The following SPMAP2L variants were observed in gnomAD, a reference collection of about 807,000 sequenced individuals.
The protein encoded by SPMAP2L is sperm microtubule associated protein 2-like.
the SPMAP2L span, among the ~76,000 whole-genome samples, chr4:56,551,948 T>C: frequency 6.6e-6 from 1 of 152,196 alleles, no homozygotes; most frequent in African/African-American, 2.4e-5. Flanking sequence ...CCCAGTACTC[T>C]TGCTGAAATT....
chr4:56,567,459 T>G, the SPMAP2L span, among the ~76,000 whole-genome samples: 12 of 143,342 alleles, frequency 8.4e-5, no homozygotes, highest in Non-Finnish European at 1.1e-4. Flanking sequence ...TTTTTTTTTT[T>G]TTTTTTTTTT....
chr4:56,560,175 A>G, the SPMAP2L span, among the ~76,000 whole-genome samples: 23 of 152,254 alleles, frequency 1.5e-4, no homozygotes, highest in Admixed American at 1.2e-3. Flanking sequence ...TTATTTTTTC[A>G]AGTTAGGGGC....
the SPMAP2L span, among the ~76,000 whole-genome samples, chr4:56,581,389 A>C: frequency 6.6e-6 from 1 of 152,104 alleles, no homozygotes; most frequent in African/African-American, 2.4e-5. Context: ...TGGGAGGCAG[A>C]GGTTACAGTG....
At chr4:56,578,669 G>A in the SPMAP2L span, among the ~76,000 whole-genome samples, 1,047 of 151,972 alleles carry the variant, frequency 6.9e-3, 16 homozygotes, top group African/African-American at 0.024. Flanking sequence ...TACCATGCAC[G>A]CCAACCAAAA....
chr4:56,549,315 T>C, the SPMAP2L span, among the ~76,000 whole-genome samples: 4 of 152,114 alleles, frequency 2.6e-5, no homozygotes, highest in African/African-American at 7.2e-5. Flanking sequence ...CTTAGTTTTT[T>C]ACTTGTTTGC....
At chr4:56,549,487 A>G in the SPMAP2L span, among the ~76,000 whole-genome samples, 3,423 of 152,282 alleles carry the variant, frequency 0.022, 125 homozygotes, top group African/African-American at 0.072. Flanking sequence ...TCAAGAAAGT[A>G]CCCTTTATGA....
chr4:56,586,075 A>G, the SPMAP2L span, among the ~76,000 whole-genome samples: 6 of 152,116 alleles, frequency 3.9e-5, no homozygotes, highest in South Asian at 2.1e-4. Flanking sequence ...TCTCTGCTCC[A>G]TGATGTCTGG....
chr4:56,565,102 G>A, the SPMAP2L span, among the ~76,000 whole-genome samples: 2 of 152,192 alleles, frequency 1.3e-5, no homozygotes, highest in African/African-American at 2.4e-5. Flanking sequence ...CTTGATAAAT[G>A]TTCGGTGTGC....
the SPMAP2L span, among the ~76,000 whole-genome samples, chr4:56,592,157 G>A: frequency 6.6e-6 from 1 of 152,166 alleles, no homozygotes; most frequent in African/African-American, 2.4e-5. Flanking sequence ...AACTGTGCAT[G>A]CAAAGGATCT....
the SPMAP2L span, among the ~76,000 whole-genome samples, chr4:56,574,046 T>TG: frequency 4.8e-4 from 73 of 152,164 alleles, no homozygotes; most frequent in Non-Finnish European, 5.4e-4. Flanking sequence ...ACATTGGGTC[T>TG]GGGGGGGTAG....
At chr4:56,600,905 AT>A in the SPMAP2L span, 5 of 1,520,460 alleles carry the variant, frequency 3.3e-6, no homozygotes, top group East Asian at 1.2e-4. Flanking sequence ...TTTGGGATAT[AT>A]TTTTGTGTCT....
chr4:56,619,824 G>A, the SPMAP2L span, among the ~76,000 whole-genome samples: 1 of 151,992 alleles, frequency 6.6e-6, no homozygotes, highest in Non-Finnish European at 1.5e-5. Context: ...ATTTGATAAG[G>A]GGTTAAACCC....
chr4:56,533,152 G>A, the SPMAP2L span, among the ~76,000 whole-genome samples: 2 of 152,082 alleles, frequency 1.3e-5, no homozygotes, highest in African/African-American at 4.8e-5. Context: ...CCTGCACTTG[G>A]AATAACAGAT....
the SPMAP2L span, among the ~76,000 whole-genome samples, chr4:56,543,765 A>C: frequency 6.6e-6 from 1 of 152,176 alleles, no homozygotes; most frequent in South Asian, 2.1e-4. Flanking sequence ...ATGAGATTAT[A>C]TTCCCAAGAA....
chr4:56,555,289 T>C, the SPMAP2L span, among the ~76,000 whole-genome samples: 1 of 152,194 alleles, frequency 6.6e-6, no homozygotes, highest in African/African-American at 2.4e-5. Context: ...GCTATATTTG[T>C]GTGGATCTAC....
chr4:56,621,318 A>G, the SPMAP2L span, among the ~76,000 whole-genome samples: 7 of 152,224 alleles, frequency 4.6e-5, no homozygotes, highest in Non-Finnish European at 1.0e-4. Context: ...ATTTATTCCT[A>G]TGGAAAAATG....
the SPMAP2L span, among the ~76,000 whole-genome samples, chr4:56,568,401 C>T: frequency 6.6e-6 from 1 of 152,058 alleles, no homozygotes; most frequent in Non-Finnish European, 1.5e-5. Flanking sequence ...TTTTGTATTC[C>T]TATAAATATT....
At chr4:56,586,335 G>A in the SPMAP2L span, among the ~76,000 whole-genome samples, 1 of 152,130 alleles carries the variant, frequency 6.6e-6, no homozygotes, top group Admixed American at 6.5e-5. Flanking sequence ...CCACGATTTT[G>A]CTGTATACTC....
chr4:56,607,371 C>T, the SPMAP2L span, among the ~76,000 whole-genome samples: 1 of 152,266 alleles, frequency 6.6e-6, no homozygotes, highest in East Asian at 1.9e-4. Flanking sequence ...GACTTCCCAG[C>T]CTCAGCTGTG....
Sources: gnomAD v4.1 joint callset for allele counts (sites outside exome capture counted in the v4.1 genomes callset) on GRCh38, gnomAD v4.1.1 for gene constraint, MANE v1.5 for transcripts, NCBI Gene and HGNC (gene_info 2026-07-23, HGNC 2026-07-21) for gene names.